FGF12: variants seen among roughly 807,000 people sequenced by gnomAD.
The protein encoded by FGF12 is fibroblast growth factor 12B.
FGF12 carries 14 observed loss-of-function variants against 23.6 expected under a neutral mutation model. The ratio of observed to expected loss-of-function variants is 0.59; its 90% confidence interval spans 0.39 to 0.93. FGF12 has a LOEUF of 0.93. Among genes scored for constraint, FGF12 ranks in the 40% least tolerant of loss-of-function variants. The pLI is 0.00. For synonymous variants in FGF12, 62 were observed against 77.3 expected (o/e 0.80, Z 1.04); for missense variants, 175 against 217.8 (o/e 0.80, Z 1.24).
rs1352370070 is a variant in FGF12, at chr3:192,335,426, C to T, written c.163G>A (p.Ala55Thr). ...AGGCTAGCCTTCACTCCTTGGATGG[C>T]CACTACACGCAGGCCCACGGGAATT... Reference protein sequence around the residue: ...NLIPVGLRVVAIQGVKASLYV... With the variant: ...NLIPVGLRVVTIQGVKASLYV... Residue 55 changes from alanine (A) to threonine (T), a missense_variant, in exon 4 of 6, where the codon GCC (alanine) becomes ACC (threonine). By Grantham distance (58) the Ala-to-Thr change is moderately conservative. Coordinates refer to ENST00000445105, the MANE Select transcript of FGF12 (RefSeq NM_004113.6). 1.5e-5 allele frequency: 25 copies of T among 1,612,928 alleles called. No individual in the cohort carries two copies. The highest frequency in any genetic ancestry group is 9.9e-5 in the South Asian group (9 of 91,052).
chr3:192,174,025 T>C (rs761853808), intron 4 of FGF12, among the ~76,000 whole-genome samples: 6 of 152,186 alleles, frequency 3.9e-5, no homozygotes, highest in Non-Finnish European at 8.8e-5. Flanking sequence ...TCGCTGCTGG[T>C]TCAGTACTTC....
At chr3:192,594,941 G>T (rs1219172562) in intron 2 of FGF12, among the ~76,000 whole-genome samples, 1 of 148,286 alleles carries the variant, frequency 6.7e-6, no homozygotes, top group African/African-American at 2.4e-5. Context: ...ATGCAATATT[G>T]TTACATTTAC....
intron 5 of FGF12, among the ~76,000 whole-genome samples, chr3:192,147,464 C>T (rs946876566): frequency 6.6e-6 from 1 of 152,044 alleles, no homozygotes; most frequent in East Asian, 1.9e-4. Context: ...AATAATGAAA[C>T]AAAATTAAGG....
intron 2 of FGF12, among the ~76,000 whole-genome samples, chr3:192,624,596 TA>T (rs1715095949): frequency 6.6e-6 from 1 of 152,158 alleles, no homozygotes; most frequent in Admixed American, 6.5e-5. Flanking sequence ...CTTTAAACTT[TA>T]AAAAATCATT....
At chr3:192,564,682 C>T (rs1473564744) in intron 2 of FGF12, among the ~76,000 whole-genome samples, 1 of 152,114 alleles carries the variant, frequency 6.6e-6, no homozygotes, top group East Asian at 1.9e-4. Flanking sequence ...AGCACTGTTC[C>T]CAAAATGGGC....
chr3:192,354,799 T>C (rs142998772), intron 3 of FGF12, among the ~76,000 whole-genome samples: 1 of 152,280 alleles, frequency 6.6e-6, no homozygotes, highest in Non-Finnish European at 1.5e-5. Context: ...TCCACCTCCC[T>C]GGTTCAAGCA....
intron 2 of FGF12, among the ~76,000 whole-genome samples, chr3:192,565,390 T>C (rs1712229301): frequency 6.6e-6 from 1 of 152,232 alleles, no homozygotes; most frequent in African/African-American, 2.4e-5. Flanking sequence ...AATTCGCTCA[T>C]TTTATCTGTG....
intron 2 of FGF12, among the ~76,000 whole-genome samples, chr3:192,545,838 T>C (rs1450847525): frequency 6.6e-6 from 1 of 152,188 alleles, no homozygotes; most frequent in East Asian, 1.9e-4. Context: ...AGAGGACATT[T>C]GAGCTGTGGG....
intron 2 of FGF12, among the ~76,000 whole-genome samples, chr3:192,556,502 T>C (rs1003172200): frequency 5.3e-5 from 8 of 152,066 alleles, no homozygotes; most frequent in African/African-American, 7.2e-5. Context: ...ACCCAAAATA[T>C]GGGCAACCAA....
chr3:192,612,957 T>C (rs1411473440), intron 2 of FGF12, among the ~76,000 whole-genome samples: 1 of 151,842 alleles, frequency 6.6e-6, no homozygotes, highest in Non-Finnish European at 1.5e-5. Context: ...TTAATGCTGA[T>C]AAAAATACTT....
intron 3 of FGF12, among the ~76,000 whole-genome samples, chr3:192,354,274 A>G (rs1183840278): frequency 6.6e-6 from 1 of 152,178 alleles, no homozygotes; most frequent in Non-Finnish European, 1.5e-5. Flanking sequence ...AGACTGAGAG[A>G]ATCTTAAGAA....
chr3:192,657,783 A>T (rs1716493049), intron 2 of FGF12, among the ~76,000 whole-genome samples: 2 of 152,214 alleles, frequency 1.3e-5, no homozygotes, highest in Admixed American at 1.3e-4. Flanking sequence ...TATCAATAAA[A>T]CCATATTTCC....
intron 4 of FGF12, among the ~76,000 whole-genome samples, chr3:192,290,055 G>A (rs1016097358): frequency 6.6e-6 from 1 of 152,066 alleles, no homozygotes; most frequent in Non-Finnish European, 1.5e-5. Flanking sequence ...GGCTGGGGAT[G>A]GAAAGACAAA....
chr3:192,664,592 T>TCCAAAAA (rs1716787272), intron 2 of FGF12, among the ~76,000 whole-genome samples: 1 of 31,118 alleles, frequency 3.2e-5, no homozygotes, highest in Admixed American at 2.3e-4. Flanking sequence ...CTACTAAAAA[T>TCCAAAAA]ACAAAAAAAA....
intron 4 of FGF12, among the ~76,000 whole-genome samples, chr3:192,217,755 C>G (rs1718265944): frequency 6.6e-6 from 1 of 152,082 alleles, no homozygotes; most frequent in South Asian, 2.1e-4. Context: ...TTAAAAGGAT[C>G]AAGGGCTCAT....
At chr3:192,384,741 C>A (rs1383511627) in intron 2 of FGF12, among the ~76,000 whole-genome samples, 2 of 152,170 alleles carry the variant, frequency 1.3e-5, no homozygotes, top group Non-Finnish European at 2.9e-5. Flanking sequence ...CCACAGGTTT[C>A]CCACTTTCAG....
At chr3:192,489,351 A>C (rs1715847822) in intron 2 of FGF12, among the ~76,000 whole-genome samples, 1 of 152,120 alleles carries the variant, frequency 6.6e-6, no homozygotes, top group South Asian at 2.1e-4. Context: ...ACATTACAAA[A>C]AACCCATGCC....
At chr3:192,354,808 C>A (rs1461890227) in intron 3 of FGF12, among the ~76,000 whole-genome samples, 2 of 152,166 alleles carry the variant, frequency 1.3e-5, no homozygotes, top group Admixed American at 1.3e-4. Flanking sequence ...CTGGTTCAAG[C>A]AATTCACGTG....
chr3:192,713,611 C>G (rs1718764573), intron 2 of FGF12, among the ~76,000 whole-genome samples: 1 of 152,172 alleles, frequency 6.6e-6, no homozygotes, highest in African/African-American at 2.4e-5. Context: ...ACACGATTCA[C>G]TGGGGTCAGT....
Sources: allele counts gnomAD v4.1 joint callset (sites outside exome capture counted in the v4.1 genomes callset), GRCh38; gene constraint gnomAD v4.1.1; transcripts MANE v1.5; gene names NCBI Gene and HGNC (gene_info 2026-07-23, HGNC 2026-07-21).